The following PAPPA2 variants were observed in gnomAD, a reference collection of about 807,000 sequenced individuals.
PAPPA2 encodes pappalysin-2.
PAPPA2 carries 86 observed loss-of-function variants against 176.4 expected under a neutral mutation model. That is an observed-to-expected ratio of 0.49 (90% CI 0.41 to 0.58). PAPPA2 has a LOEUF of 0.58. Among genes scored for constraint, PAPPA2 ranks in the 20% least tolerant of loss-of-function variants. The probability of loss-of-function intolerance (pLI) is 0.00; values close to 1 mark genes in which losing one functional copy is unlikely to be tolerated. For missense variants in PAPPA2, 2,073 were observed against 2,256.9 expected (o/e 0.92, Z 1.65); for synonymous variants, 809 against 852.2 (o/e 0.95, Z 0.88).
intron 3 of PAPPA2, among the ~76,000 whole-genome samples, chr1:176,668,235 A>T (rs2102769307): frequency 6.6e-6 from 1 of 152,310 alleles, no homozygotes; most frequent in East Asian, 1.9e-4. Flanking sequence ...GGTCACTCTG[A>T]GTCCTTCAGG....
At chr1:176,791,278 G>A (rs966263806) in intron 18 of PAPPA2, 69 bp from the exon 19 acceptor site, 2 of 1,292,724 alleles carry the variant, frequency 1.5e-6, no homozygotes, top group Non-Finnish European at 1.0e-6. Context: ...CACTTAATCA[G>A]ACCACTTTTT....
intron 21 of PAPPA2, among the ~76,000 whole-genome samples, chr1:176,835,884 C>T (rs1042261581): frequency 1.3e-5 from 2 of 151,972 alleles, no homozygotes; most frequent in Non-Finnish European, 2.9e-5. Context: ...GCCCTACAGG[C>T]CCCCCCAGGT....
chr1:176,731,610 C>T (rs920668327), intron 12 of PAPPA2, among the ~76,000 whole-genome samples: 5 of 151,714 alleles, frequency 3.3e-5, no homozygotes, highest in Admixed American at 6.6e-5. Context: ...CCATGCCCGG[C>T]ATAATGTAAT....
chr1:176,788,330 T>A (rs1665031181), intron 17 of PAPPA2, among the ~76,000 whole-genome samples: 2 of 152,152 alleles, frequency 1.3e-5, no homozygotes, highest in African/African-American at 4.8e-5. Flanking sequence ...TATAAAACAA[T>A]GTGATAAATG....
chr1:176,540,910 C>T (rs191262793), intron 1 of PAPPA2, among the ~76,000 whole-genome samples: 9 of 152,256 alleles, frequency 5.9e-5, no homozygotes, highest in Admixed American at 2.6e-4. Context: ...GTTCTCAAAT[C>T]CTATGTTGAT....
chr1:176,482,430 C>A (rs950719456), intron 1 of PAPPA2, among the ~76,000 whole-genome samples: 1 of 152,176 alleles, frequency 6.6e-6, no homozygotes, highest in Non-Finnish European at 1.5e-5. Flanking sequence ...ATTGTTTTTA[C>A]TTCTATAGTC....
At chr1:176,504,143 G>C (rs1648117672) in intron 1 of PAPPA2, among the ~76,000 whole-genome samples, 1 of 151,990 alleles carries the variant, frequency 6.6e-6, no homozygotes, top group African/African-American at 2.4e-5. Context: ...TGGGGGAATT[G>C]ACTGGCCAAT....
chr1:176,793,963 G>A (rs1410932053), intron 20 of PAPPA2, among the ~76,000 whole-genome samples: 17 of 152,064 alleles, frequency 1.1e-4, no homozygotes, highest in Non-Finnish European at 1.8e-4. Context: ...GTGTGGTGGC[G>A]GGTGCCTGTA....
intron 21 of PAPPA2, among the ~76,000 whole-genome samples, chr1:176,816,190 A>ATATG (rs1557889315): frequency 1.6e-5 from 2 of 122,566 alleles, no homozygotes; most frequent in Non-Finnish European, 3.4e-5. Flanking sequence ...ATATATATAT[A>ATATG]TATATATGTA....
chr1:176,536,350 A>G (rs1423572347), intron 1 of PAPPA2, among the ~76,000 whole-genome samples: 1 of 152,244 alleles, frequency 6.6e-6, no homozygotes, highest in Admixed American at 6.5e-5. Flanking sequence ...TTGATGCTGA[A>G]CAACATGTTC....
chr1:176,814,187 C>T (rs1240494142), intron 21 of PAPPA2, among the ~76,000 whole-genome samples: 1 of 152,110 alleles, frequency 6.6e-6, no homozygotes, highest in Non-Finnish European at 1.5e-5. Context: ...TTACTGTAGC[C>T]TTGTAGTATA....
At chr1:176,523,274 C>T (rs557088433) in intron 1 of PAPPA2, among the ~76,000 whole-genome samples, 1 of 152,196 alleles carries the variant, frequency 6.6e-6, no homozygotes, top group Non-Finnish European at 1.5e-5. Context: ...CCACTTTCTC[C>T]TCCCAATTTC....
intron 3 of PAPPA2, among the ~76,000 whole-genome samples, chr1:176,600,976 C>T (rs1037798651): frequency 9.2e-5 from 14 of 152,016 alleles, no homozygotes; most frequent in Non-Finnish European, 2.1e-4. Flanking sequence ...CAATGTGTCT[C>T]CCAAAGTTCT....
chr1:176,700,947 C>T (rs912956634), intron 8 of PAPPA2, among the ~76,000 whole-genome samples: 6 of 151,974 alleles, frequency 3.9e-5, no homozygotes, highest in African/African-American at 9.7e-5. Flanking sequence ...AAAGCTAATG[C>T]AAATGCAAAG....
intron 17 of PAPPA2, among the ~76,000 whole-genome samples, chr1:176,776,704 AT>A (rs1369832975): frequency 2.0e-5 from 3 of 152,020 alleles, no homozygotes; most frequent in Non-Finnish European, 4.4e-5. Context: ...TCTGTTGGGT[AT>A]TGATGAGGAT....
intron 3 of PAPPA2, among the ~76,000 whole-genome samples, chr1:176,618,327 T>C (rs1655393204): frequency 6.6e-6 from 1 of 152,114 alleles, no homozygotes; most frequent in Non-Finnish European, 1.5e-5. Flanking sequence ...CCTTCAGGGG[T>C]CATCAGATCT....
intron 3 of PAPPA2, among the ~76,000 whole-genome samples, chr1:176,628,068 A>G (rs1298214809): frequency 6.6e-6 from 1 of 152,224 alleles, no homozygotes; most frequent in African/African-American, 2.4e-5. Context: ...ATTAAAGACC[A>G]TGCATTCAAA....
intron 21 of PAPPA2, among the ~76,000 whole-genome samples, chr1:176,826,630 A>G (rs1666872379): frequency 6.6e-6 from 1 of 152,246 alleles, no homozygotes. Context: ...TGGGAACTAA[A>G]TATTAGACTG....
At chr1:176,555,344 C>T (rs1216622400) in intron 1 of PAPPA2, 63 bp from the exon 2 acceptor site, 1 of 152,240 alleles carries the variant, frequency 6.6e-6, no homozygotes, top group Non-Finnish European at 1.5e-5. Flanking sequence ...GCAGGAGAGA[C>T]TGGAGAGAAC....
Sources: gnomAD v4.1 joint callset for allele counts (sites outside exome capture counted in the v4.1 genomes callset) on GRCh38, gnomAD v4.1.1 for gene constraint, MANE v1.5 for transcripts, NCBI Gene and HGNC (gene_info 2026-07-23, HGNC 2026-07-21) for gene names.